Variants in NBPF9 observed in about 807,000 individuals in gnomAD.
NBPF9 encodes the protein NBPF family member NBPF9.
NBPF9 carries 91 observed loss-of-function variants against 97.8 expected under a neutral mutation model. The observed-to-expected ratio is 0.93, with a 90% CI of 0.79 to 1.11. The LOEUF (loss-of-function observed/expected upper bound fraction) is 1.11. Ranked by LOEUF, NBPF9 falls within the 50% of genes least tolerant of loss-of-function variation. The probability of loss-of-function intolerance (pLI) is 0.00; values close to 1 mark genes in which losing one functional copy is unlikely to be tolerated. For synonymous variants in NBPF9, 334 were observed against 359.5 expected (o/e 0.93, Z 0.80); for missense variants, 992 against 939.5 (o/e 1.06, Z -0.73).
chr1:149,097,742 C>T (rs1444813936), intron 4 of NBPF9, among the ~76,000 whole-genome samples: 6 of 152,050 alleles, frequency 3.9e-5, no homozygotes, highest in East Asian at 1.9e-4. Context: ...GGGTCTCTAG[C>T]CCAGAGCAGG....
Position 149,063,000 on chromosome 1 carries a change from T to A in NBPF9, c.2027-87A>T, listed in dbSNP as rs1239505472. The A allele has an allele frequency of 4.9e-6, 3 of 612,210 alleles. No homozygotes were observed. The African/African-American group carries it at 6.1e-5, about 12-fold the overall frequency. The allele number at this position is 612,210 out of a possible 1,614,324, so 37.9% of individuals were successfully genotyped here. On this transcript the variant is annotated intron_variant, in intron 20 of 29. Coordinates refer to ENST00000584027, the Ensembl canonical transcript of NBPF9. The stretch of plus-strand genomic sequence containing the variant: ...CACTGTCTAATCCTCACACAGGGAC[T>A]TCAGGCTCCTCAGCATGAGAATAGG...
chr1:149,081,214 G>C (rs1240121691), intron 7 of NBPF9, among the ~76,000 whole-genome samples: 3 of 151,156 alleles, frequency 2.0e-5, no homozygotes, highest in Non-Finnish European at 4.4e-5. Flanking sequence ...CTGCCTGCTG[G>C]GTTCAAAGGA....
chr1:149,095,802 C>G (rs1249007661), intron 4 of NBPF9, among the ~76,000 whole-genome samples: 1 of 152,090 alleles, frequency 6.6e-6, no homozygotes, highest in Non-Finnish European at 1.5e-5. Flanking sequence ...GGTGAACACA[C>G]CAAATGCTGT....
At chr1:149,071,212 G>T (rs2079382321) in intron 15 of NBPF9, 73 bp from the exon 16 acceptor site, 7 of 1,091,406 alleles carry the variant, frequency 6.4e-6, no homozygotes, top group Admixed American at 2.0e-5. Flanking sequence ...AGTCCTAGCT[G>T]GTTTTGACAG....
intron 8 of NBPF9, 113 bp from the exon 9 acceptor site, chr1:149,079,334 G>C: frequency 8.8e-7 from 1 of 1,142,712 alleles, no homozygotes; most frequent in Non-Finnish European, 1.3e-6. Flanking sequence ...GAAACAGAAG[G>C]TCAGCACATG....
intron 12 of NBPF9, among the ~76,000 whole-genome samples, chr1:149,075,222 C>G (rs1312990448): frequency 6.6e-6 from 1 of 151,786 alleles, no homozygotes; most frequent in Non-Finnish European, 1.5e-5. Flanking sequence ...AAGTTTCCCT[C>G]AGAGTCACTA....
intron 4 of NBPF9, among the ~76,000 whole-genome samples, chr1:149,097,605 T>C (rs1263488975): frequency 6.6e-6 from 1 of 151,958 alleles, no homozygotes; most frequent in East Asian, 1.9e-4. Flanking sequence ...TGGCTCCCAC[T>C]CCCCCAGGAC....
chr1:149,097,919 T>C (rs1420837449), intron 4 of NBPF9, among the ~76,000 whole-genome samples: 3 of 151,848 alleles, frequency 2.0e-5, no homozygotes, highest in Non-Finnish European at 2.9e-5. Flanking sequence ...TTTAACCCAT[T>C]ATACTGGCAA....
chr1:149,079,752 A>T, intron 8 of NBPF9, among the ~76,000 whole-genome samples: 1 of 151,700 alleles, frequency 6.6e-6, no homozygotes, highest in East Asian at 1.9e-4. Context: ...ATAGCACACC[A>T]TTTTGAGTAT....
chr1:149,082,247 G>A (rs587644419), intron 6 of NBPF9, 25 bp downstream of exon 6: 7 of 1,284,356 alleles, frequency 5.5e-6, no homozygotes, highest in African/African-American at 4.5e-5. Flanking sequence ...CAGGACTGAG[G>A]GATGTCAGTA....
At chr1:149,087,828 C>CTTTT (rs60084667) in intron 5 of NBPF9, among the ~76,000 whole-genome samples, 22 of 88,554 alleles carry the variant, frequency 2.5e-4, no homozygotes, top group African/African-American at 5.2e-4. Context: ...GTTGACTTTC[C>CTTTT]TTTTTTTTTT....
At chr1:149,067,279 C>T (rs1157930028) in intron 17 of NBPF9, among the ~76,000 whole-genome samples, 2 of 117,604 alleles carry the variant, frequency 1.7e-5, no homozygotes, top group Non-Finnish European at 1.8e-5. Context: ...GTATAGTTTT[C>T]CTTTATTATT....
exon 30 of NBPF9, chr1:149,055,605 C>T (rs1334048845): frequency 1.9e-6 from 3 of 1,608,958 alleles, no homozygotes; most frequent in East Asian, 2.2e-5. Context: ...ACTTCACGTG[C>T]CTATAGGTCC....
At chr1:149,062,526 G>T (rs1477625430) in intron 21 of NBPF9, among the ~76,000 whole-genome samples, 3 of 143,572 alleles carry the variant, frequency 2.1e-5, no homozygotes, top group African/African-American at 5.2e-5. Flanking sequence ...CTGATGAAGG[G>T]GTCAAAGGAC....
At chr1:149,060,225 C>G in intron 24 of NBPF9, 1 of 195,058 alleles carries the variant, frequency 5.1e-6, no homozygotes, top group Non-Finnish European at 9.7e-6. Context: ...ATCTACAAAC[C>G]CTTGAGTCAA....
intron 5 of NBPF9, among the ~76,000 whole-genome samples, chr1:149,087,264 G>A (rs1312345495): frequency 6.8e-6 from 1 of 147,654 alleles, no homozygotes; most frequent in African/African-American, 2.5e-5. Context: ...GTGTGTGTGT[G>A]TCTGTATATA....
intron 7 of NBPF9, among the ~76,000 whole-genome samples, chr1:149,081,008 A>G (rs1364276596): frequency 1.3e-5 from 2 of 151,610 alleles, no homozygotes; most frequent in African/African-American, 2.4e-5. Flanking sequence ...GCTTCCACAC[A>G]TTCTCGGGTG....
chr1:149,103,117 A>T (rs1439562145), intron 1 of NBPF9, among the ~76,000 whole-genome samples, 184 bp downstream of exon 1: 1 of 151,982 alleles, frequency 6.6e-6, no homozygotes, highest in Admixed American at 6.5e-5. Context: ...CGGCAGCGGC[A>T]AGCGAGGAAT....
intron 29 of NBPF9, 33 bp downstream of exon 29, chr1:149,056,479 C>T (rs782798217): frequency 4.9e-5 from 3 of 61,854 alleles, no homozygotes; most frequent in African/African-American, 9.2e-4. Context: ...GGTGTTAACA[C>T]AGAATTAAGC....
Sources: allele counts gnomAD v4.1 joint callset (sites outside exome capture counted in the v4.1 genomes callset), GRCh38; gene constraint gnomAD v4.1.1; transcripts MANE v1.5; gene names NCBI Gene and HGNC (gene_info 2026-07-23, HGNC 2026-07-21).